AOAH: variants seen among roughly 807,000 people sequenced by gnomAD.
AOAH encodes the protein acyloxyacyl hydrolase.
A neutral mutation model predicts 92.2 loss-of-function variants in AOAH; 64 were observed. The observed-to-expected ratio is 0.69, with a 90% CI of 0.57 to 0.86. The LOEUF (loss-of-function observed/expected upper bound fraction) is 0.86, where lower values mean the gene tolerates loss of function less well. Ranked by LOEUF, AOAH falls within the 40% of genes least tolerant of loss-of-function variation. The probability of loss-of-function intolerance (pLI) is 0.00; values close to 1 mark genes in which losing one functional copy is unlikely to be tolerated. For synonymous variants in AOAH, 263 were observed against 254.5 expected, an observed-to-expected ratio of 1.03 and a Z score of -0.32; for missense variants, 656 against 694.6, an observed-to-expected ratio of 0.94 and a Z score of 0.62.
chr7:36,583,413 A>G (rs1248917283), intron 12 of AOAH, among the ~76,000 whole-genome samples: 2 of 152,212 alleles, frequency 1.3e-5, no homozygotes, highest in African/African-American at 4.8e-5. Flanking sequence ...GATAGATTAA[A>G]GACCTTTTAA....
At chr7:36,660,252 G>A (rs924610780) in intron 3 of AOAH, among the ~76,000 whole-genome samples, 10 of 152,180 alleles carry the variant, frequency 6.6e-5, no homozygotes, top group East Asian at 1.9e-4. Context: ...TCACACGGAC[G>A]TGCTTGACAT....
In AOAH at chr7:36,596,177, C is replaced by T. The variant is rs541676650; in HGVS notation, c.847-1747G>A. Among the ~76,000 whole-genome samples, 61 of 148,978 alleles carry T rather than the reference C, an allele frequency of 4.1e-4. No individual in the cohort carries two copies. The South Asian group carries it at 9.6e-3, about 24-fold the overall frequency. The stretch of plus-strand genomic sequence containing the variant: ...CAGAAATGAAAGCCCCCCCACCCCC[C>T]GTCACCTTCCCCTAAGAGATAACTC... On this transcript the variant is annotated intron_variant, in intron 11 of 20. Coordinates refer to ENST00000617537, the MANE Select transcript of AOAH (RefSeq NM_001637.4).
In AOAH at chr7:36,529,559, T is replaced by A. The variant is rs577388032; in HGVS notation, c.1522+859A>T. Reference sequence around the variant, plus strand: ...TTGATAATTCATGATGGCCATCTGCTCCAACCCAGATGCTGCGGATGGGGG... The same window carrying A: ...TTGATAATTCATGATGGCCATCTGCACCAACCCAGATGCTGCGGATGGGGG... On this transcript the variant is annotated intron_variant, in intron 19 of 20. Transcript: ENST00000617537. 4.9e-4 allele frequency among the ~76,000 whole-genome samples: 70 copies of A among 143,196 alleles called. No individual in the cohort carries two copies. The South Asian group carries it at 0.017, about 34-fold the overall frequency. 93.9% of individuals were successfully genotyped at this position (143,196 alleles called of 152,430 possible).
chr7:36,548,222 G>A (rs1004580806), intron 15 of AOAH, among the ~76,000 whole-genome samples: 9 of 152,176 alleles, frequency 5.9e-5, no homozygotes, highest in Middle Eastern at 3.2e-3. Context: ...GTCTTGCTCC[G>A]TCGCTCAGGC....
chr7:36,714,996 G>C (rs1315730914), intron 1 of AOAH, among the ~76,000 whole-genome samples: 1 of 152,048 alleles, frequency 6.6e-6, no homozygotes, highest in Non-Finnish European at 1.5e-5. Flanking sequence ...GGCAGGAGAA[G>C]GAAATAAAGG....
At chr7:36,587,976 T>A (rs1372021924) in intron 12 of AOAH, among the ~76,000 whole-genome samples, 1 of 152,126 alleles carries the variant, frequency 6.6e-6, no homozygotes, top group East Asian at 1.9e-4. Flanking sequence ...AGCTCTCATC[T>A]CGCCTACACA....
chr7:36,580,070 G>A (rs1471012906), intron 12 of AOAH, among the ~76,000 whole-genome samples: 1 of 152,212 alleles, frequency 6.6e-6, no homozygotes, highest in Admixed American at 6.5e-5. Context: ...TATGATGGCA[G>A]TCTTGGTGTG....
At chr7:36,517,208 TTCTTTC>T (rs1430300544) in intron 20 of AOAH, among the ~76,000 whole-genome samples, 143 of 67,960 alleles carry the variant, frequency 2.1e-3, no homozygotes, top group African/African-American at 4.9e-3. Context: ...CTTTCTTTCT[TTCTTTC>T]TCTTTCTTTC....
At chr7:36,680,981 T>C (rs1412213720) in intron 2 of AOAH, among the ~76,000 whole-genome samples, 2 of 150,942 alleles carry the variant, frequency 1.3e-5, no homozygotes, top group Non-Finnish European at 2.9e-5. Context: ...AATCTTGTTT[T>C]GGGTTGTTTT....
intron 12 of AOAH, among the ~76,000 whole-genome samples, chr7:36,590,033 A>G (rs973245125): frequency 1.4e-4 from 21 of 151,942 alleles, no homozygotes; most frequent in African/African-American, 5.1e-4. Flanking sequence ...AATCTCAGCA[A>G]TCTCAAACTC....
intron 6 of AOAH, among the ~76,000 whole-genome samples, chr7:36,626,686 A>G (rs1460468075): frequency 6.6e-6 from 1 of 152,256 alleles, no homozygotes; most frequent in Admixed American, 6.5e-5. Context: ...CAGGGATAGC[A>G]GGTGGGTTAT....
At chr7:36,609,368 C>T (rs976883280) in intron 11 of AOAH, among the ~76,000 whole-genome samples, 3 of 152,148 alleles carry the variant, frequency 2.0e-5, no homozygotes, top group South Asian at 4.1e-4. Flanking sequence ...TTCAAATCTG[C>T]CCCTTTCTCA....
intron 11 of AOAH, chr7:36,598,033 G>C (rs1177270290): frequency 6.6e-6 from 1 of 152,148 alleles, no homozygotes; most frequent in South Asian, 2.1e-4. Context: ...AGGGGATGTC[G>C]AGAGGAGGGG....
At position 36,541,547 on chromosome 7, in the gene AOAH, T is replaced by C. The variant is rs1331574305; in HGVS notation, c.1134-1056A>G. Among the ~76,000 whole-genome samples the C allele has an allele frequency of 2.0e-5, 3 of 152,212 alleles. No homozygotes were observed. The East Asian group carries it at 5.8e-4, about 29-fold the overall frequency. Reference sequence around the variant, plus strand: ...AATACTACAAGACATCATTTGAAGTTATGTTAAAATTGCACTCATTGGTTG... The same window carrying C: ...AATACTACAAGACATCATTTGAAGTCATGTTAAAATTGCACTCATTGGTTG... On this transcript the variant is annotated intron_variant, in intron 15 of 20. Coordinates refer to ENST00000617537, the MANE Select transcript of AOAH (RefSeq NM_001637.4).
At chr7:36,611,455 C>A (rs774160794) in intron 11 of AOAH, among the ~76,000 whole-genome samples, 1 of 152,216 alleles carries the variant, frequency 6.6e-6, no homozygotes, top group Non-Finnish European at 1.5e-5. Flanking sequence ...TGAATCAATT[C>A]ATTGCTGCAA....
chr7:36,663,658 T>G (rs922603799), intron 3 of AOAH, among the ~76,000 whole-genome samples: 1 of 152,220 alleles, frequency 6.6e-6, no homozygotes, highest in Non-Finnish European at 1.5e-5. Context: ...TCATTTCCTT[T>G]TATTGCTGAA....
chr7:36,586,241 G>A (rs1789313587), intron 12 of AOAH, among the ~76,000 whole-genome samples: 1 of 152,074 alleles, frequency 6.6e-6, no homozygotes, highest in African/African-American at 2.4e-5. Context: ...TTTCTCTGAA[G>A]CAAAACCCAT....
At chr7:36,649,738 T>A (rs1447435624) in intron 4 of AOAH, among the ~76,000 whole-genome samples, 1 of 152,210 alleles carries the variant, frequency 6.6e-6, no homozygotes, top group Non-Finnish European at 1.5e-5. Flanking sequence ...TGTTACGACT[T>A]GAGCTGAGCT....
rs1161876089 is a variant in AOAH at position 36,532,596 on chromosome 7, TG to T, written c.1307-253del. On this transcript the variant is annotated intron_variant, in intron 16 of 20. Transcript: ENST00000617537. Reference sequence around the variant, plus strand: ...ATAGAGCTGTGGGCATGGGCCTGGATGGGGCTGGGGGAAGTGGCCTCATCTG... The same window carrying T: ...ATAGAGCTGTGGGCATGGGCCTGGATGGGCTGGGGGAAGTGGCCTCATCTG... 1.1e-4 allele frequency among the ~76,000 whole-genome samples: 16 copies of T among 152,236 alleles called. No homozygotes were observed. The South Asian group carries it at 1.5e-3, about 14-fold the overall frequency.
Sources: allele counts gnomAD v4.1 joint callset (sites outside exome capture counted in the v4.1 genomes callset), GRCh38; gene constraint gnomAD v4.1.1; transcripts MANE v1.5; gene names NCBI Gene and HGNC (gene_info 2026-07-23, HGNC 2026-07-21).